Variants in CNTNAP5 observed in about 807,000 individuals in gnomAD.
The protein encoded by CNTNAP5 is contactin-associated protein-like 5.
In CNTNAP5, 72 loss-of-function variants were observed where a neutral mutation model predicts 150.2. The observed-to-expected ratio is 0.48, with a 90% CI of 0.40 to 0.58. The LOEUF is 0.58. CNTNAP5 is among the 20% of genes least tolerant of loss of function. The probability of loss-of-function intolerance (pLI) is 0.00; values close to 1 mark genes in which losing one functional copy is unlikely to be tolerated. For missense variants in CNTNAP5, 1,636 were observed against 1,626.2 expected, an observed-to-expected ratio of 1.01 and a Z score of -0.10; for synonymous variants, 672 against 619.8, an observed-to-expected ratio of 1.08 and a Z score of -1.25.
intron 3 of CNTNAP5, among the ~76,000 whole-genome samples, chr2:124,319,069 G>A (rs775674180): frequency 6.6e-6 from 1 of 152,198 alleles, no homozygotes; most frequent in Non-Finnish European, 1.5e-5. Flanking sequence ...CCTACCTGTT[G>A]AGAGGAAGGA....
At chr2:124,366,187 TG>T (rs1382843913) in intron 3 of CNTNAP5, among the ~76,000 whole-genome samples, 1 of 152,148 alleles carries the variant, frequency 6.6e-6, no homozygotes, top group African/African-American at 2.4e-5. Flanking sequence ...AGTCTCTTAA[TG>T]TAAAACCAGA....
intron 17 of CNTNAP5, among the ~76,000 whole-genome samples, chr2:124,786,464 A>AAAGGAAGGAAGG (rs1297550355): frequency 5.0e-4 from 46 of 92,772 alleles, no homozygotes; most frequent in African/African-American, 2.4e-3. Flanking sequence ...AGAAAGAAAG[A>AAAGGAAGGAAGG]AAGGAAGGAA....
At chr2:124,057,540 T>C (rs1373500791) in intron 1 of CNTNAP5, among the ~76,000 whole-genome samples, 2 of 147,326 alleles carry the variant, frequency 1.4e-5, no homozygotes, top group Non-Finnish European at 3.0e-5. Context: ...TCCGCCCGCC[T>C]TGGACTCCCA....
At chr2:124,321,339 A>G (rs986910822) in intron 3 of CNTNAP5, among the ~76,000 whole-genome samples, 1 of 151,828 alleles carries the variant, frequency 6.6e-6, no homozygotes, top group African/African-American at 2.4e-5. Flanking sequence ...CCTACTAGGG[A>G]GGCTGAGGTA....
intron 3 of CNTNAP5, among the ~76,000 whole-genome samples, chr2:124,251,470 T>TA (rs1262989843): frequency 4.4e-5 from 6 of 136,532 alleles, no homozygotes; most frequent in Non-Finnish European, 6.7e-5. Flanking sequence ...GTGGGTGCTT[T>TA]TTTTTTTTTT....
chr2:124,668,278 A>G (rs545612149), intron 13 of CNTNAP5, among the ~76,000 whole-genome samples: 119 of 152,308 alleles, frequency 7.8e-4, no homozygotes, highest in Non-Finnish European at 1.3e-3. Flanking sequence ...AAGAGATTCC[A>G]CTAGGTTATG....
At chr2:124,049,311 T>C (rs1358942692) in intron 1 of CNTNAP5, among the ~76,000 whole-genome samples, 6 of 152,192 alleles carry the variant, frequency 3.9e-5, no homozygotes, top group Admixed American at 6.5e-5. Context: ...GCAATACGAA[T>C]GCCTCAGAAA....
chr2:124,084,271 GT>G (rs572952535), intron 1 of CNTNAP5, among the ~76,000 whole-genome samples: 2,212 of 145,698 alleles, frequency 0.015, 22 homozygotes, highest in African/African-American at 0.02. Flanking sequence ...TTTTGTAGAG[GT>G]TTTTTTTTTT....
chr2:124,551,765 C>T (rs2104917684), intron 10 of CNTNAP5, among the ~76,000 whole-genome samples: 1 of 152,230 alleles, frequency 6.6e-6, no homozygotes, highest in Non-Finnish European at 1.5e-5. Flanking sequence ...TTTCAAAGGC[C>T]TGTCATTTGG....
At chr2:124,503,477 A>G (rs1458519328) in intron 7 of CNTNAP5, among the ~76,000 whole-genome samples, 2 of 152,228 alleles carry the variant, frequency 1.3e-5, no homozygotes, top group Non-Finnish European at 2.9e-5. Flanking sequence ...TATGCAAAGA[A>G]TAATCTTCTT....
chr2:124,748,774 C>G (rs1680660518), intron 14 of CNTNAP5, among the ~76,000 whole-genome samples: 1 of 152,180 alleles, frequency 6.6e-6, no homozygotes, highest in Non-Finnish European at 1.5e-5. Context: ...CCTAGGGCTG[C>G]TTGGGCACCA....
chr2:124,084,742 A>G (rs890919014), intron 1 of CNTNAP5, among the ~76,000 whole-genome samples: 1 of 151,942 alleles, frequency 6.6e-6, no homozygotes, highest in Admixed American at 6.6e-5. Context: ...ATTCATGTGT[A>G]TATATCTTCA....
chr2:124,184,748 G>A (rs536532780), intron 1 of CNTNAP5, among the ~76,000 whole-genome samples: 151 of 152,292 alleles, frequency 9.9e-4, no homozygotes, highest in South Asian at 5.4e-3. Context: ...GGCACAGCCT[G>A]AAGAGAAAGA....
At chr2:124,838,042 T>C (rs904484170) in intron 19 of CNTNAP5, among the ~76,000 whole-genome samples, 2 of 152,138 alleles carry the variant, frequency 1.3e-5, no homozygotes, top group African/African-American at 4.8e-5. Flanking sequence ...CTAAGCTGAC[T>C]AGTGATGATG....
At chr2:124,728,332 T>C (rs1680203312) in intron 13 of CNTNAP5, among the ~76,000 whole-genome samples, 1 of 152,212 alleles carries the variant, frequency 6.6e-6, no homozygotes, top group East Asian at 1.9e-4. Flanking sequence ...CTCTTCAATT[T>C]ACGGAAGTAA....
chr2:124,738,728 CA>C (rs35823681), intron 13 of CNTNAP5, among the ~76,000 whole-genome samples: 456 of 129,868 alleles, frequency 3.5e-3, no homozygotes, highest in African/African-American at 4.0e-3. Context: ...GAGACTCCAT[CA>C]AAAAAAAAAA....
At chr2:124,105,967 A>G (rs1683162960) in intron 1 of CNTNAP5, among the ~76,000 whole-genome samples, 1 of 152,182 alleles carries the variant, frequency 6.6e-6, no homozygotes, top group Non-Finnish European at 1.5e-5. Context: ...TTTTTAAACC[A>G]TATTGCTTAA....
chr2:124,904,256 C>A (rs1033434899), intron 22 of CNTNAP5, among the ~76,000 whole-genome samples: 3 of 151,978 alleles, frequency 2.0e-5, no homozygotes, highest in Admixed American at 6.6e-5. Context: ...TTGTTTATTT[C>A]AAATTGGCAT....
chr2:124,478,781 C>CAGTT (rs1693700961), intron 7 of CNTNAP5, among the ~76,000 whole-genome samples: 1 of 152,140 alleles, frequency 6.6e-6, no homozygotes, highest in African/African-American at 2.4e-5. Context: ...GACTCTCTTA[C>CAGTT]AGTTATTAGG....
Sources: allele counts gnomAD v4.1 joint callset (sites outside exome capture counted in the v4.1 genomes callset), GRCh38; gene constraint gnomAD v4.1.1; transcripts MANE v1.5; gene names NCBI Gene and HGNC (gene_info 2026-07-23, HGNC 2026-07-21).